Variants in ZNF385D observed in about 807,000 individuals in gnomAD.
ZNF385D encodes zinc finger protein 659.
Under a neutral mutation model 35.8 loss-of-function variants are expected in ZNF385D, and 15 were observed. The ratio of observed to expected loss-of-function variants is 0.42; its 90% CI spans 0.28 to 0.64. The LOEUF is 0.64. ZNF385D is among the 30% of genes least tolerant of loss of function. The probability of loss-of-function intolerance (pLI) is 0.23; values close to 1 mark genes in which losing one functional copy is unlikely to be tolerated. For missense variants in ZNF385D, 474 were observed against 494.6 expected, an observed-to-expected ratio of 0.96 and a Z score of 0.39; for synonymous variants, 212 against 186.8, an observed-to-expected ratio of 1.13 and a Z score of -1.10.
rs897988025 is a variant in ZNF385D, at chr3:21,421,135, C to T, written c.*79G>A. 2.2e-6 allele frequency: 2 copies of T among 922,380 alleles called. No individual in the cohort carries two copies. The highest frequency in any genetic ancestry group is 3.0e-6 in the Non-Finnish European group (2 of 658,742). The allele number at this position is 922,380 out of a possible 1,614,324, so 57.1% of individuals were successfully genotyped here. A position where few individuals can be genotyped will look rare whatever the true frequency, so the allele number is the denominator to read the frequency against. ...AGATATACTTTAAACTATAAATAAA[C>T]ACTGCATAGTTCTCTTTTGTTTGTT... is the stretch of plus-strand genomic sequence containing the variant. On this transcript the variant is annotated 3_prime_UTR_variant, in exon 8 of 8. Coordinates refer to ENST00000281523, the MANE Select transcript of ZNF385D (RefSeq NM_024697.3).
At chr3:22,221,732 TAC>T (rs1272512219) in intron 2 of ZNF385D, among the ~76,000 whole-genome samples, 1 of 152,156 alleles carries the variant, frequency 6.6e-6, no homozygotes, top group Non-Finnish European at 1.5e-5. Flanking sequence ...AAAACTAAAT[TAC>T]AGAGTATTTG....
chr3:21,829,958 T>G (rs927599311), intron 3 of ZNF385D, among the ~76,000 whole-genome samples: 1 of 151,934 alleles, frequency 6.6e-6, no homozygotes, highest in African/African-American at 2.4e-5. Context: ...ACCCCATCTC[T>G]ACTAAAAATG....
rs1404842340 is a variant in ZNF385D, at chr3:22,009,357, C to T, written c.325+159460G>A. 9.9e-5 allele frequency among the ~76,000 whole-genome samples: 15 copies of T among 152,028 alleles called. 1 individual carries two copies. Reference sequence around the variant, plus strand: ...AAATAGATTTGGCTAGGCGAGGTGGCTCACTCCTGCAATCCCAGCATTTTG... The same window carrying T: ...AAATAGATTTGGCTAGGCGAGGTGGTTCACTCCTGCAATCCCAGCATTTTG... On this transcript the variant is annotated intron_variant, in intron 3 of 5. Transcript: ENST00000494108.
chr3:21,440,641 G>A (rs982188509), intron 4 of ZNF385D, among the ~76,000 whole-genome samples: 2 of 152,136 alleles, frequency 1.3e-5, no homozygotes, highest in Admixed American at 6.6e-5. Flanking sequence ...CAACATTAAT[G>A]TGAGATGTTA....
At chr3:21,966,153 T>G (rs1244565921) in intron 3 of ZNF385D, among the ~76,000 whole-genome samples, 1 of 152,178 alleles carries the variant, frequency 6.6e-6, no homozygotes, top group East Asian at 1.9e-4. Flanking sequence ...TACTGAGTAG[T>G]GCAGTTCTAT....
intron 3 of ZNF385D, among the ~76,000 whole-genome samples, chr3:22,161,796 A>G (rs1705969675): frequency 6.6e-6 from 1 of 152,204 alleles, no homozygotes; most frequent in Admixed American, 6.5e-5. Context: ...TAATAATATA[A>G]GTGATTTAAG....
At chr3:21,975,023 A>C (rs1703507137) in intron 3 of ZNF385D, among the ~76,000 whole-genome samples, 1 of 152,176 alleles carries the variant, frequency 6.6e-6, no homozygotes. Flanking sequence ...CCTCAAAAAC[A>C]CTAAAAATAG....
chr3:22,296,805 G>A (rs1047365704), intron 2 of ZNF385D, among the ~76,000 whole-genome samples: 7 of 152,104 alleles, frequency 4.6e-5, no homozygotes, highest in African/African-American at 1.7e-4. Context: ...ATGGTGGTTG[G>A]CTTCTCTGGA....
intron 2 of ZNF385D, among the ~76,000 whole-genome samples, chr3:22,173,939 C>T (rs1280024998): frequency 6.6e-6 from 1 of 152,002 alleles, no homozygotes; most frequent in Non-Finnish European, 1.5e-5. Flanking sequence ...GGGCTACCAA[C>T]CCACTAACAA....
At chr3:21,928,309 GT>G (rs1173294729) in intron 3 of ZNF385D, among the ~76,000 whole-genome samples, 1 of 138,244 alleles carries the variant, frequency 7.2e-6, no homozygotes, top group East Asian at 2.5e-4. Flanking sequence ...AGGAAGGAAG[GT>G]AGGAGGGAGG....
intron 3 of ZNF385D, among the ~76,000 whole-genome samples, chr3:21,903,097 T>G (rs1425614555): frequency 6.6e-6 from 1 of 152,134 alleles, no homozygotes; most frequent in Non-Finnish European, 1.5e-5. Flanking sequence ...ACCTATAAAA[T>G]GATTGCACCT....
intron 4 of ZNF385D, among the ~76,000 whole-genome samples, chr3:21,439,731 C>G (rs1157542423): frequency 2.6e-5 from 4 of 152,064 alleles, no homozygotes; most frequent in Admixed American, 2.6e-4. Flanking sequence ...TTCTCTGACC[C>G]CAGAGGATAA....
intron 2 of ZNF385D, among the ~76,000 whole-genome samples, chr3:21,600,253 TTAA>T (rs1415362648): frequency 6.6e-6 from 1 of 152,218 alleles, no homozygotes; most frequent in Non-Finnish European, 1.5e-5. Flanking sequence ...CTCTACTTTC[TTAA>T]TAAACTTGCT....
chr3:21,532,664 A>G (rs1356583808), intron 3 of ZNF385D, among the ~76,000 whole-genome samples: 1 of 147,974 alleles, frequency 6.8e-6, no homozygotes, highest in Non-Finnish European at 1.5e-5. Context: ...ATAATATAAT[A>G]TGCTGAATAA....
chr3:22,026,318 C>T (rs1375929537), intron 3 of ZNF385D, among the ~76,000 whole-genome samples: 2 of 152,104 alleles, frequency 1.3e-5, no homozygotes, highest in Non-Finnish European at 2.9e-5. Context: ...GAGAAAGGAC[C>T]CCCCTACATT....
chr3:22,180,242 G>A (rs1338223856), intron 2 of ZNF385D, among the ~76,000 whole-genome samples: 2 of 152,186 alleles, frequency 1.3e-5, no homozygotes, highest in Non-Finnish European at 2.9e-5. Flanking sequence ...CCAGGAAGAA[G>A]TTGAATCTCT....
At chr3:21,570,199 C>G (rs1312367808) in intron 2 of ZNF385D, among the ~76,000 whole-genome samples, 1 of 152,122 alleles carries the variant, frequency 6.6e-6, no homozygotes, top group African/African-American at 2.4e-5. Context: ...CAATTTCAAA[C>G]TCAGCCCATG....
rs932275399 is a variant in ZNF385D, at chr3:21,421,111, G to T, written c.*103C>A. ...CACTATCAAAAGTCCTGGCTCTTCA[G>T]ATATACTTTAAACTATAAATAAACA... is the stretch of plus-strand genomic sequence containing the variant. On this transcript the variant is annotated 3_prime_UTR_variant, in exon 8 of 8. Transcript: ENST00000281523. 8.8e-6 allele frequency: 6 copies of T among 685,454 alleles called. No individual in the cohort carries two copies. The highest frequency in any genetic ancestry group is 1.0e-5 in the Non-Finnish European group (5 of 496,728). The allele number at this position is 685,454 out of a possible 1,614,324, so 42.5% of individuals were successfully genotyped here.
intron 3 of ZNF385D, among the ~76,000 whole-genome samples, chr3:22,061,224 G>T (rs1699669580): frequency 1.3e-5 from 2 of 152,148 alleles, no homozygotes; most frequent in Admixed American, 1.3e-4. Context: ...TCTCAGCAGT[G>T]AGCATAAAGT....
Sources: allele counts gnomAD v4.1 joint callset (sites outside exome capture counted in the v4.1 genomes callset), GRCh38; gene constraint gnomAD v4.1.1; transcripts MANE v1.5; gene names NCBI Gene and HGNC (gene_info 2026-07-23, HGNC 2026-07-21).